Variants in ZBTB41 observed in about 807,000 individuals in gnomAD.
ZBTB41 encodes the protein zinc finger and BTB domain-containing protein 41.
ZBTB41 carries 42 observed loss-of-function variants against 87.6 expected under a neutral mutation model. The observed-to-expected ratio is 0.48, with a 90% CI of 0.37 to 0.62. The LOEUF (loss-of-function observed/expected upper bound fraction) is 0.62. ZBTB41 is among the 20% of genes least tolerant of loss of function. The pLI is 0.00. For synonymous variants in ZBTB41, 364 were observed against 364.0 expected, an observed-to-expected ratio of 1.00 and a Z score of 0.00; for missense variants, 799 against 1,078.9, an observed-to-expected ratio of 0.74 and a Z score of 3.63.
At position 197,200,595 on chromosome 1, in the gene ZBTB41, A is replaced by G; in HGVS notation, c.-117-5T>C. 1.1e-6 allele frequency: 1 copy of G among 916,820 alleles called. No homozygotes were observed. Among genetic ancestry groups the G allele is most frequent in the South Asian group, 2.2e-5 (1 of 46,182 alleles). 56.8% of individuals were successfully genotyped at this position (916,820 alleles called of 1,614,324 possible). On this transcript the variant is annotated splice_region_variant and splice_polypyrimidine_tract_variant and intron_variant, in intron 1 of 10. Transcript: ENST00000367405. ...CGTGCCCAAGGGTTTCATGGTCTGCAAAAGAGTGAGAACCACGTAAAATAA... is the reference window on the plus strand; with the variant it reads ...CGTGCCCAAGGGTTTCATGGTCTGCGAAAGAGTGAGAACCACGTAAAATAA...
chr1:197,171,635 A>G (rs1241899189), intron 10 of ZBTB41, among the ~76,000 whole-genome samples: 1 of 152,044 alleles, frequency 6.6e-6, no homozygotes, highest in African/African-American at 2.4e-5. Context: ...GATTTTGCAA[A>G]TGACAACTTC....
intron 8 of ZBTB41, among the ~76,000 whole-genome samples, chr1:197,175,629 C>A (rs769665420): frequency 2.0e-5 from 3 of 151,122 alleles, no homozygotes; most frequent in Non-Finnish European, 4.4e-5. Flanking sequence ...AAAAATTCTA[C>A]GTAAGTCCAA....
chr1:197,200,074 A>G lies in ZBTB41; in HGVS notation c.400T>C (p.Ser134Pro). Residue 134 changes from serine to proline, a missense_variant, in exon 2 of 11, where the codon TCA becomes CCA. Around this residue, in one of 5 missense-constraint regions of ZBTB41, gnomAD observed 59 missense variants for 120.1 expected, o/e 0.49. Transcript: ENST00000367405. ...AATTCAAGCAAATGCTGAAAAACTG[A>G]ATGTGTTACGTGATCCAGGGTGACA... ...DVVTLDHVTH[S>P]VFQHLLEFLY... is the part of the protein sequence containing the mutation. 1 of 1,613,130 alleles carries G rather than the reference A, an allele frequency of 6.2e-7. No individual in the cohort carries two copies. The highest frequency in any genetic ancestry group is 8.5e-7 in the Non-Finnish European group (1 of 1,179,750).
At chr1:197,174,622 T>C (rs1659559232) in intron 9 of ZBTB41, among the ~76,000 whole-genome samples, 1 of 152,116 alleles carries the variant, frequency 6.6e-6, no homozygotes, top group African/African-American at 2.4e-5. Flanking sequence ...ACACAGCGCC[T>C]TCAAATAAAA....
In ZBTB41 at chr1:197,196,439, G is replaced by A. The variant is rs1026179695; in HGVS notation, c.1120+2915C>T. Among the ~76,000 whole-genome samples the A allele has an allele frequency of 3.3e-5, 5 of 151,868 alleles. No homozygotes were observed. The South Asian group carries it at 6.3e-4, about 19-fold the overall frequency. ...TCTCATTCTACATCCCACTCCCAAC[G>A]CCACTCATCTTCCAAGTCTAAGCTA... On this transcript the variant is annotated intron_variant, in intron 2 of 10. Transcript: ENST00000367405.
chr1:197,179,702 T>G (rs1028872398), intron 6 of ZBTB41, among the ~76,000 whole-genome samples: 1 of 152,006 alleles, frequency 6.6e-6, no homozygotes, highest in African/African-American at 2.4e-5. Context: ...TGACCCTGTG[T>G]AGGCCTAGGC....
intron 10 of ZBTB41, among the ~76,000 whole-genome samples, chr1:197,161,346 G>C (rs1659194738): frequency 6.6e-6 from 1 of 152,060 alleles, no homozygotes; most frequent in South Asian, 2.1e-4. Context: ...TGAGTTTGTT[G>C]ATATTTTCCT....
chr1:197,186,278 CA>C (rs35246227), intron 5 of ZBTB41, among the ~76,000 whole-genome samples: 63,336 of 133,052 alleles, frequency 0.48, 14,862 homozygotes, highest in East Asian at 0.82. Flanking sequence ...TATCCACAGA[CA>C]AAAAAAAAAA....
At chr1:197,195,227 A>C (rs1443213320) in intron 2 of ZBTB41, among the ~76,000 whole-genome samples, 1 of 152,242 alleles carries the variant, frequency 6.6e-6, no homozygotes, top group Non-Finnish European at 1.5e-5. Flanking sequence ...ACATTTTATA[A>C]CATAAGAAAT....
chr1:197,199,640 G>A lies in ZBTB41; in HGVS notation c.834C>T (p.Asp278=). ...TATCAAAATTTTCTTGATTCAAATT[G>A]TCTGACCCATCACCACTTTCCTGTT... is the stretch of plus-strand genomic sequence containing the variant. The part of the protein sequence containing the change: ...DDEQESGDGS[D]NLNQENFDKE... Residue 278 remains aspartate (D), a synonymous_variant, in exon 2 of 11, where the codon GAC becomes GAT. Coordinates refer to ENST00000367405, the MANE Select transcript of ZBTB41 (RefSeq NM_194314.3). 1.2e-6 allele frequency: 2 copies of A among 1,612,732 alleles called. No homozygotes were observed. The highest frequency in any genetic ancestry group is 8.5e-7 in the Non-Finnish European group (1 of 1,179,814).
intron 6 of ZBTB41, among the ~76,000 whole-genome samples, chr1:197,179,685 A>T (rs1486544350): frequency 1.3e-5 from 2 of 152,080 alleles, no homozygotes; most frequent in African/African-American, 4.8e-5. Context: ...AGTGATATTG[A>T]TGATCCTGAC....
intron 9 of ZBTB41, among the ~76,000 whole-genome samples, chr1:197,173,775 C>G (rs758310790): frequency 1.2e-4 from 19 of 152,064 alleles, no homozygotes; most frequent in Non-Finnish European, 2.5e-4. Context: ...AACAGAGATA[C>G]AAACAGGGTC....
rs779204221 is a variant in ZBTB41, at chr1:197,159,547, A to G, written c.2542T>C (p.Tyr848His). 1.2e-6 allele frequency: 2 copies of G among 1,613,986 alleles called. No homozygotes were observed. The highest frequency in any genetic ancestry group is 2.2e-5 in the East Asian group (1 of 44,890). ...ILSPQPQSTD[Y>H]PRAADLAFLE... ...AAAGCTAAATCCGCTGCTCGTGGAT[A>G]ATCAGTTGACTGTGGCTGTGGTGAC... is the stretch of plus-strand genomic sequence containing the variant. The change falls in exon 11 of 11, where the codon TAT becomes CAT. Residue 848 changes from tyrosine to histidine, a missense_variant. Physicochemically the swap from Tyr to His is moderately conservative, Grantham distance 83. Transcript: ENST00000367405.
At position 197,160,158 on chromosome 1, in the gene ZBTB41, C is replaced by G. The variant is rs1659164503; in HGVS notation, c.2075-144G>C. 3.0e-5 allele frequency: 19 copies of G among 642,682 alleles called. No homozygotes were observed. The East Asian group carries it at 5.2e-4, about 18-fold the overall frequency. The allele number at this position is 642,682 out of a possible 1,614,324, so 39.8% of individuals were successfully genotyped here. A position where few individuals can be genotyped will look rare whatever the true frequency, so the allele number is the denominator to read the frequency against. On this transcript the variant is annotated intron_variant, in intron 10 of 10. Transcript: ENST00000367405. Reference sequence around the variant, plus strand: ...ACTGTATACTATCACAAAATGCAGACAGTACAATAAACTGGTAAAAATAAG... The same window carrying G: ...ACTGTATACTATCACAAAATGCAGAGAGTACAATAAACTGGTAAAAATAAG...
intron 10 of ZBTB41, among the ~76,000 whole-genome samples, chr1:197,164,020 T>C (rs1659259369): frequency 6.6e-6 from 1 of 151,948 alleles, no homozygotes. Flanking sequence ...AATAAATACA[T>C]GGTTAAATAG....
intron 10 of ZBTB41, among the ~76,000 whole-genome samples, chr1:197,160,254 C>T (rs1403031754): frequency 1.3e-5 from 2 of 152,102 alleles, no homozygotes; most frequent in Non-Finnish European, 2.9e-5. Context: ...ATTGAGCAAG[C>T]TACCCAACTT....
chr1:197,190,304 C>T (rs1170374821), intron 4 of ZBTB41, among the ~76,000 whole-genome samples: 1 of 152,260 alleles, frequency 6.6e-6, no homozygotes, highest in Non-Finnish European at 1.5e-5. Context: ...CAGCTGACAA[C>T]AAGCAGAACA....
At position 197,156,783 on chromosome 1, in the gene ZBTB41, C is replaced by G. The variant is rs907981823; in HGVS notation, c.*2576G>C. On this transcript the variant is annotated 3_prime_UTR_variant, in exon 11 of 11. Transcript: ENST00000367405. ...TCATCCACTGAAACTATTACTTCAC[C>G]AGAATTATATTACGCATCTCCCAGA... 1 of 152,036 alleles carries G rather than the reference C, an allele frequency of 6.6e-6. No individual in the cohort carries two copies. The allele number at this position is 152,036 out of a possible 1,614,324, so 9.4% of individuals were successfully genotyped here.
In ZBTB41 at chr1:197,191,866, C is replaced by T; in HGVS notation, c.1154G>A (p.Gly385Asp). 1.2e-6 allele frequency: 2 copies of T among 1,613,152 alleles called. No individual in the cohort carries two copies. Among genetic ancestry groups the T allele is most frequent in the Non-Finnish European group, 1.7e-6 (2 of 1,179,606 alleles). Reference protein sequence around the residue: ...KYESHTRVHTGEKPFECDICH... With the variant: ...KYESHTRVHTDEKPFECDICH... ...AATATCACACTCAAAGGGCTTCTCA[C>T]CTGTGTGAACACGGGTGTGGCTCTC... Residue 385 changes from glycine to aspartate, a missense_variant, in exon 3 of 11, where the codon GGT (glycine) becomes GAT (aspartate). Physicochemically the swap from Gly to Asp is moderately conservative, Grantham distance 94. Around this residue, in one of 5 missense-constraint regions of ZBTB41, gnomAD observed 294 missense variants for 340.1 expected, o/e 0.86. Coordinates refer to ENST00000367405, the MANE Select transcript of ZBTB41 (RefSeq NM_194314.3).
Sources: allele counts gnomAD v4.1 joint callset (sites outside exome capture counted in the v4.1 genomes callset), GRCh38; gene constraint gnomAD v4.1.1; regional missense constraint gnomAD v4.1.1; transcripts MANE v1.5; gene names NCBI Gene and HGNC (gene_info 2026-07-23, HGNC 2026-07-21).